Variants in MGMT observed in about 807,000 individuals in gnomAD.
MGMT encodes the protein methylated-DNA--protein-cysteine methyltransferase.
In MGMT, 14 loss-of-function variants were observed where a neutral mutation model predicts 15.9. The observed-to-expected ratio is 0.88, with a 90% CI of 0.58 to 1.37. The LOEUF is 1.37. Among genes scored for constraint, MGMT ranks in the 40% most tolerant of loss-of-function variants. MGMT has a pLI of 0.00. For synonymous variants in MGMT, 130 were observed against 118.2 expected, an observed-to-expected ratio of 1.10 and a Z score of -0.65; for missense variants, 282 against 268.1, an observed-to-expected ratio of 1.05 and a Z score of -0.36.
intron 3 of MGMT, among the ~76,000 whole-genome samples, chr10:129,740,745 G>A (rs187315583): frequency 3.3e-5 from 5 of 152,276 alleles, no homozygotes; most frequent in East Asian, 3.9e-4. Context: ...CCCCCAGGGC[G>A]ACCTTGGATA....
In MGMT at chr10:129,592,539, C is replaced by T. The variant is rs554342883; in HGVS notation, c.125+56162C>T. ...CTAGGTGAATGGATTTTAATGGAAC[C>T]GTGCAGACAGTTGATTCGGAAGGCT... On this transcript the variant is annotated intron_variant, in intron 2 of 4. Transcript: ENST00000651593. Among the ~76,000 whole-genome samples, 3 of 152,218 alleles carry T rather than the reference C, an allele frequency of 2.0e-5. No homozygotes were observed. In the South Asian group the frequency reaches 6.2e-4, roughly 32 times the overall value.
intron 2 of MGMT, among the ~76,000 whole-genome samples, chr10:129,604,602 G>A (rs1206183754): frequency 6.6e-6 from 1 of 151,512 alleles, no homozygotes; most frequent in African/African-American, 2.4e-5. Context: ...GACACGTGGA[G>A]GAGCCACTCT....
intron 1 of MGMT, among the ~76,000 whole-genome samples, chr10:129,486,034 TTAGACTTGATA>T (rs1253471128): frequency 6.6e-6 from 1 of 152,228 alleles, no homozygotes; most frequent in Non-Finnish European, 1.5e-5. Flanking sequence ...ATCTACCTTA[TTAGACTTGATA>T]TAGATAGATA....
chr10:129,648,575 A>G (rs1847422090), intron 2 of MGMT, among the ~76,000 whole-genome samples: 1 of 152,268 alleles, frequency 6.6e-6, no homozygotes. Context: ...AAGAAATTAA[A>G]TGATTTTTCT....
At chr10:129,575,912 T>C (rs1221254869) in intron 2 of MGMT, among the ~76,000 whole-genome samples, 6 of 151,582 alleles carry the variant, frequency 4.0e-5, no homozygotes, top group Non-Finnish European at 5.9e-5. Flanking sequence ...AACACCTCTA[T>C]GCAAATAAAC....
At chr10:129,551,708 A>G (rs534392327) in intron 2 of MGMT, among the ~76,000 whole-genome samples, 1 of 152,212 alleles carries the variant, frequency 6.6e-6, no homozygotes, top group Admixed American at 6.5e-5. Flanking sequence ...TTATTTATTT[A>G]CCAGACCCCA....
At chr10:129,484,146 C>T (rs1845385637) in intron 1 of MGMT, among the ~76,000 whole-genome samples, 1 of 152,066 alleles carries the variant, frequency 6.6e-6, no homozygotes, top group East Asian at 1.9e-4. Flanking sequence ...TAGGTGTGCT[C>T]AACCTTGTTT....
intron 2 of MGMT, among the ~76,000 whole-genome samples, chr10:129,648,975 A>G (rs1402334711): frequency 6.6e-6 from 1 of 152,164 alleles, no homozygotes; most frequent in Non-Finnish European, 1.5e-5. Flanking sequence ...ACAATGGAAA[A>G]TGGCACCACC....
At chr10:129,536,159 A>G (rs2119759046) in intron 1 of MGMT, 82 bp from the exon 2 acceptor site, 1 of 1,454,878 alleles carries the variant, frequency 6.9e-7, no homozygotes, top group East Asian at 2.3e-5. Context: ...TGTGTCTTAA[A>G]TAACCAGTAC....
intron 1 of MGMT, among the ~76,000 whole-genome samples, chr10:129,490,324 A>T (rs1016659214): frequency 1.3e-5 from 2 of 152,018 alleles, no homozygotes; most frequent in African/African-American, 4.8e-5. Flanking sequence ...AGTGTGGATC[A>T]TGACTTCTAG....
intron 2 of MGMT, among the ~76,000 whole-genome samples, chr10:129,616,716 A>G (rs1847031811): frequency 6.6e-6 from 1 of 152,176 alleles, no homozygotes; most frequent in Non-Finnish European, 1.5e-5. Flanking sequence ...GTGGATCTCT[A>G]CAGGTTAGAG....
rs1187251439 is a variant in MGMT at position 129,566,369 on chromosome 10, G to T, written c.125+29992G>T. Among the ~76,000 whole-genome samples the T allele has an allele frequency of 6.6e-6, 1 of 152,190 alleles. No homozygotes were observed. Among genetic ancestry groups the T allele is most frequent in the South Asian group, 2.1e-4 (1 of 4,832 alleles). ...CTCGGAGTGGTTGCTCTGGCTCTGG[G>T]ATTCCAAACCAAGCTGCCTTCTCTG... On this transcript the variant is annotated intron_variant, in intron 2 of 4. Coordinates refer to ENST00000651593, the MANE Select transcript of MGMT (RefSeq NM_002412.5). The surrounding 1 kb of genome is among the most constrained non-coding windows in gnomAD (Gnocchi z 4.1).
chr10:129,494,675 A>G (rs1178902053), intron 1 of MGMT, among the ~76,000 whole-genome samples: 1 of 152,200 alleles, frequency 6.6e-6, no homozygotes, highest in Admixed American at 6.5e-5. Context: ...CATTCCAATT[A>G]ATTTAAATTT....
chr10:129,741,515 TG>T (rs1442651244), intron 3 of MGMT, among the ~76,000 whole-genome samples: 1 of 152,112 alleles, frequency 6.6e-6, no homozygotes. Flanking sequence ...ACCTGACCCA[TG>T]GTGGAGGTGG....
chr10:129,675,163 G>A (rs941503769), intron 2 of MGMT, among the ~76,000 whole-genome samples: 2 of 152,218 alleles, frequency 1.3e-5, no homozygotes, highest in Non-Finnish European at 2.9e-5. Flanking sequence ...CCCAGCTGAG[G>A]GCCAGGCGGG....
chr10:129,712,671 T>C (rs1230271918), intron 3 of MGMT, among the ~76,000 whole-genome samples: 2 of 152,146 alleles, frequency 1.3e-5, no homozygotes, highest in Non-Finnish European at 2.9e-5. Flanking sequence ...TGAGGACTGC[T>C]TGGGTCCTGG....
chr10:129,646,754 A>ATTTTTTTTTTTTTTTTTTT (rs1554873525), intron 2 of MGMT, among the ~76,000 whole-genome samples: 42 of 86,508 alleles, frequency 4.9e-4, no homozygotes, highest in Non-Finnish European at 8.2e-4. Flanking sequence ...ATATATATAT[A>ATTTTTTTTTTTTTTTTTTT]TTTTCAGGGA....
chr10:129,757,634 CT>C (rs980585883), intron 3 of MGMT, among the ~76,000 whole-genome samples: 15 of 151,986 alleles, frequency 9.9e-5, no homozygotes, highest in Non-Finnish European at 1.8e-4. Flanking sequence ...CTTTGCTTTG[CT>C]TTTTTTTAAA....
At chr10:129,604,005 T>G (rs1271824995) in intron 2 of MGMT, among the ~76,000 whole-genome samples, 1 of 152,162 alleles carries the variant, frequency 6.6e-6, no homozygotes, top group Non-Finnish European at 1.5e-5. Flanking sequence ...ATTTGATGTG[T>G]GCGTGTGTCT....
Sources: allele counts gnomAD v4.1 joint callset (sites outside exome capture counted in the v4.1 genomes callset), GRCh38; gene constraint gnomAD v4.1.1; non-coding constraint Gnocchi (gnomAD v3.1); transcripts MANE v1.5; gene names NCBI Gene and HGNC (gene_info 2026-07-23, HGNC 2026-07-21).